Variants in ZSWIM6 observed in about 807,000 individuals in gnomAD.
ZSWIM6 encodes zinc finger SWIM domain-containing protein 6.
A neutral mutation model predicts 113.2 loss-of-function variants in ZSWIM6; 9 were observed. That is an observed-to-expected ratio of 0.08 (90% CI 0.05 to 0.14). The LOEUF is 0.14. Among genes scored for constraint, ZSWIM6 ranks in the 10% least tolerant of loss-of-function variants. The pLI, the probability that ZSWIM6 is intolerant of heterozygous loss-of-function variation, is 1.00. For missense variants in ZSWIM6, 1,162 were observed against 1,552.2 expected, an observed-to-expected ratio of 0.75 and a Z score of 4.22; for synonymous variants, 611 against 606.5, an observed-to-expected ratio of 1.01 and a Z score of -0.11.
chr5:61,393,185 C>T (rs1232167355), intron 1 of ZSWIM6, among the ~76,000 whole-genome samples: 3 of 151,652 alleles, frequency 2.0e-5, no homozygotes, highest in African/African-American at 4.8e-5. Flanking sequence ...GGACTACAGG[C>T]GCACACCACC....
chr5:61,402,925 CTAA>C (rs1456410629), intron 1 of ZSWIM6, among the ~76,000 whole-genome samples: 1 of 152,148 alleles, frequency 6.6e-6, no homozygotes, highest in African/African-American at 2.4e-5. Flanking sequence ...TCACTAATTG[CTAA>C]TGATTTGCAC....
At chr5:61,349,791 T>A (rs1744743209) in intron 1 of ZSWIM6, among the ~76,000 whole-genome samples, 1 of 152,218 alleles carries the variant, frequency 6.6e-6, no homozygotes, top group South Asian at 2.1e-4. Context: ...GAATTATAAA[T>A]GCCTTTGTGG....
At chr5:61,478,196 T>C (rs954079941) in intron 2 of ZSWIM6, among the ~76,000 whole-genome samples, 1 of 152,178 alleles carries the variant, frequency 6.6e-6, no homozygotes, top group Admixed American at 6.5e-5. Context: ...GCAAATATAT[T>C]CTGTAGGAGA....
intron 1 of ZSWIM6, among the ~76,000 whole-genome samples, chr5:61,443,256 A>G (rs1386815278): frequency 6.6e-6 from 1 of 152,234 alleles, no homozygotes; most frequent in East Asian, 1.9e-4. Flanking sequence ...TACACAGTTG[A>G]TAAGGAAATC....
chr5:61,411,761 G>A (rs1397294221), intron 1 of ZSWIM6, among the ~76,000 whole-genome samples: 3 of 152,096 alleles, frequency 2.0e-5, no homozygotes, highest in Admixed American at 1.3e-4. Context: ...AAGGATGAAA[G>A]GTCTCTCTTG....
At chr5:61,503,503 T>A (rs1368066878) in intron 4 of ZSWIM6, among the ~76,000 whole-genome samples, 1 of 152,212 alleles carries the variant, frequency 6.6e-6, no homozygotes, top group Non-Finnish European at 1.5e-5. Flanking sequence ...TGGCTTAGAT[T>A]GGAAGCCATA....
intron 1 of ZSWIM6, among the ~76,000 whole-genome samples, chr5:61,438,616 A>G (rs1335853164): frequency 6.6e-6 from 1 of 152,226 alleles, no homozygotes; most frequent in Admixed American, 6.5e-5. Flanking sequence ...CAAACAGGCA[A>G]TGAACAACAT....
At chr5:61,416,930 T>C (rs1746270777) in intron 1 of ZSWIM6, among the ~76,000 whole-genome samples, 1 of 152,174 alleles carries the variant, frequency 6.6e-6, no homozygotes, top group Admixed American at 6.5e-5. Flanking sequence ...CGGTCAGTGA[T>C]CAGGAGTTTG....
chr5:61,406,133 T>C (rs2112108207), intron 1 of ZSWIM6, among the ~76,000 whole-genome samples: 1 of 152,324 alleles, frequency 6.6e-6, no homozygotes, highest in East Asian at 1.9e-4. Context: ...CACAGGTACT[T>C]TGAACTTTAT....
intron 8 of ZSWIM6, 55 bp from the exon 9 acceptor site, chr5:61,531,410 A>G (rs1308371028): frequency 1.3e-6 from 2 of 1,510,680 alleles, no homozygotes; most frequent in East Asian, 5.0e-5. Context: ...TGTACTTATC[A>G]TATCATCTGC....
chr5:61,458,046 A>G (rs916004349), intron 1 of ZSWIM6, among the ~76,000 whole-genome samples: 1 of 152,162 alleles, frequency 6.6e-6, no homozygotes, highest in African/African-American at 2.4e-5. Context: ...TATTATGTGG[A>G]CTATATTTAA....
intron 1 of ZSWIM6, among the ~76,000 whole-genome samples, chr5:61,348,525 A>G (rs1453748093): frequency 2.0e-5 from 3 of 152,232 alleles, no homozygotes; most frequent in African/African-American, 7.2e-5. Context: ...TAATCTGTAA[A>G]AAGTTCAGTA....
At chr5:61,510,908 G>T (rs1748769566) in intron 4 of ZSWIM6, among the ~76,000 whole-genome samples, 1 of 152,022 alleles carries the variant, frequency 6.6e-6, no homozygotes, top group African/African-American at 2.4e-5. Context: ...GTCCTTAAAG[G>T]GTTACTATTT....
chr5:61,467,916 ACCCCTCCT>A (rs1341155396), intron 1 of ZSWIM6, among the ~76,000 whole-genome samples: 1 of 152,074 alleles, frequency 6.6e-6, no homozygotes, highest in Non-Finnish European at 1.5e-5. Flanking sequence ...CACGGGCTAG[ACCCCTCCT>A]CCCCTCAAGA....
chr5:61,485,550 C>T (rs956059415), intron 2 of ZSWIM6, among the ~76,000 whole-genome samples: 2 of 152,080 alleles, frequency 1.3e-5, no homozygotes, highest in African/African-American at 2.4e-5. Flanking sequence ...TTCAGTATTC[C>T]GTATGGTTGT....
intron 4 of ZSWIM6, among the ~76,000 whole-genome samples, chr5:61,520,995 T>G (rs1322007686): frequency 6.6e-6 from 1 of 152,138 alleles, no homozygotes; most frequent in Non-Finnish European, 1.5e-5. Flanking sequence ...GTTCAAACTT[T>G]GGATCTATTG....
chr5:61,478,012 C>G (rs2112193410), intron 2 of ZSWIM6, among the ~76,000 whole-genome samples: 1 of 152,236 alleles, frequency 6.6e-6, no homozygotes, highest in Non-Finnish European at 1.5e-5. Context: ...TTTTATTTCC[C>G]TGTGGATGGT....
At chr5:61,392,595 A>G (rs562327946) in intron 1 of ZSWIM6, among the ~76,000 whole-genome samples, 11 of 152,272 alleles carry the variant, frequency 7.2e-5, no homozygotes, top group African/African-American at 2.6e-4. Context: ...ATAACTTCAC[A>G]TTCTGTTTAC....
intron 1 of ZSWIM6, among the ~76,000 whole-genome samples, chr5:61,357,218 GT>G (rs1229370386): frequency 6.6e-6 from 1 of 152,128 alleles, no homozygotes; most frequent in East Asian, 1.9e-4. Flanking sequence ...CTACCCTTAA[GT>G]TTTTGAAACA....
Sources: gnomAD v4.1 joint callset for allele counts (sites outside exome capture counted in the v4.1 genomes callset) on GRCh38, gnomAD v4.1.1 for gene constraint, MANE v1.5 for transcripts, NCBI Gene and HGNC (gene_info 2026-07-23, HGNC 2026-07-21) for gene names.